The following MACROD2 variants were observed in gnomAD, a reference collection of about 807,000 sequenced individuals.
The protein encoded by MACROD2 is mono-ADP ribosylhydrolase 2.
In MACROD2, 36 loss-of-function variants were observed where a neutral mutation model predicts 70.4. The observed-to-expected ratio is 0.51, with a 90% CI of 0.39 to 0.68. The LOEUF is 0.68. MACROD2 is among the 30% of genes least tolerant of loss of function. MACROD2 has a pLI of 0.00. For missense variants in MACROD2, 496 were observed against 538.4 expected, an observed-to-expected ratio of 0.92 and a Z score of 0.78; for synonymous variants, 172 against 178.8, an observed-to-expected ratio of 0.96 and a Z score of 0.30.
At chr20:15,673,985 A>C (rs2050019589) in intron 8 of MACROD2, among the ~76,000 whole-genome samples, 1 of 152,140 alleles carries the variant, frequency 6.6e-6, no homozygotes, top group African/African-American at 2.4e-5. Context: ...ACCGTATTGA[A>C]ATGTAAAGGA....
At chr20:15,387,436 T>C (rs2045731159) in intron 6 of MACROD2, among the ~76,000 whole-genome samples, 1 of 151,826 alleles carries the variant, frequency 6.6e-6, no homozygotes, top group South Asian at 2.1e-4. Flanking sequence ...TTTCTCCTTT[T>C]ATTCCTCTCT....
At chr20:14,725,935 G>C (rs1213407129) in intron 5 of MACROD2, among the ~76,000 whole-genome samples, 1 of 152,158 alleles carries the variant, frequency 6.6e-6, no homozygotes, top group Non-Finnish European at 1.5e-5. Flanking sequence ...GTGTGTGCTA[G>C]AACAGGTGCT....
At chr20:15,384,637 G>A (rs952882881) in intron 6 of MACROD2, among the ~76,000 whole-genome samples, 7 of 152,128 alleles carry the variant, frequency 4.6e-5, no homozygotes, top group South Asian at 2.1e-4. Context: ...ACTATATGCC[G>A]GGTGTTATAT....
intron 7 of MACROD2, among the ~76,000 whole-genome samples, chr20:15,496,714 GA>G (rs2047302692): frequency 6.6e-6 from 1 of 152,196 alleles, no homozygotes; most frequent in Admixed American, 6.5e-5. Flanking sequence ...AGAAGACTGA[GA>G]AATAAATCTA....
chr20:15,751,602 G>T (rs544446843), intron 8 of MACROD2, among the ~76,000 whole-genome samples: 1 of 151,832 alleles, frequency 6.6e-6, no homozygotes, highest in South Asian at 2.1e-4. Context: ...CCCTAATATT[G>T]TCTCTAGGAT....
At chr20:14,421,720 T>C (rs2083877817) in intron 3 of MACROD2, among the ~76,000 whole-genome samples, 2 of 152,276 alleles carry the variant, frequency 1.3e-5, no homozygotes, top group Middle Eastern at 3.4e-3. Flanking sequence ...CTATTTTCCT[T>C]CTGTTAGTGA....
At chr20:15,852,563 C>T (rs1481626716) in intron 8 of MACROD2, among the ~76,000 whole-genome samples, 1 of 152,192 alleles carries the variant, frequency 6.6e-6, no homozygotes, top group Non-Finnish European at 1.5e-5. Context: ...CAAGTGCGAA[C>T]ATGGCTAATA....
chr20:14,049,174 T>TAA (rs71335946), intron 2 of MACROD2, among the ~76,000 whole-genome samples: 2,834 of 69,710 alleles, frequency 0.041, 68 homozygotes, highest in Non-Finnish European at 0.073. Context: ...ATATATTTAA[T>TAA]AAAAAAAAAA....
At chr20:14,684,648 A>ACCACCCCCCCC (rs2070977501) in intron 4 of MACROD2, among the ~76,000 whole-genome samples, 195 bp from the exon 5 acceptor site, 2 of 134,848 alleles carry the variant, frequency 1.5e-5, no homozygotes, top group African/African-American at 2.6e-5. Flanking sequence ...ACATAACCTC[A>ACCACCCCCCCC]CCCCCCCCCC....
chr20:16,034,324 C>T (rs1312651971), intron 15 of MACROD2, among the ~76,000 whole-genome samples: 4 of 152,062 alleles, frequency 2.6e-5, no homozygotes, highest in Admixed American at 6.6e-5. Context: ...TTGATATTGA[C>T]GCTGTGTTAT....
chr20:14,036,943 C>G (rs545446466), intron 2 of MACROD2, among the ~76,000 whole-genome samples: 3 of 152,106 alleles, frequency 2.0e-5, no homozygotes, highest in East Asian at 1.9e-4. Context: ...ACTAATCCAG[C>G]GTTTTGTGGT....
intron 8 of MACROD2, among the ~76,000 whole-genome samples, chr20:15,786,435 A>G: frequency 6.6e-6 from 1 of 152,230 alleles, no homozygotes; most frequent in East Asian, 1.9e-4. Flanking sequence ...AAAGAAAAAA[A>G]TATCACATTT....
intron 6 of MACROD2, among the ~76,000 whole-genome samples, chr20:15,262,869 CTTTTGGCCAGATTATTAG>C (rs1360053749): frequency 6.6e-6 from 1 of 151,422 alleles, no homozygotes; most frequent in Non-Finnish European, 1.5e-5. Context: ...GTCTCAAAAC[CTTTTGGCCAGATTATTAG>C]TTTTATTTTT....
At chr20:15,903,386 C>T (rs936831231) in intron 10 of MACROD2, among the ~76,000 whole-genome samples, 1 of 152,064 alleles carries the variant, frequency 6.6e-6, no homozygotes. Context: ...TCTGACTTAC[C>T]CTAATAAAAA....
chr20:15,533,543 C>T (rs1017841659), intron 8 of MACROD2, among the ~76,000 whole-genome samples: 4 of 119,048 alleles, frequency 3.4e-5, no homozygotes, highest in Non-Finnish European at 5.0e-5. Flanking sequence ...CTGTCTCTGT[C>T]GCTCTCTCTC....
intron 6 of MACROD2, among the ~76,000 whole-genome samples, chr20:15,311,642 A>T (rs567965198): frequency 4.0e-4 from 61 of 152,336 alleles, no homozygotes; most frequent in African/African-American, 1.4e-3. Context: ...AGCAACATGG[A>T]TGGAGCTGGA....
Position 15,403,396 on chromosome 20 carries a change from T to TAG in MACROD2, c.541-27993_541-27992dup, listed in dbSNP as rs147714991. Among the ~76,000 whole-genome samples the TAG allele has an allele frequency of 6.3e-3, 940 of 149,470 alleles. 8 individuals are homozygous for TAG. The highest frequency in any genetic ancestry group is 0.022 in the African/African-American group (889 of 40,932). ...TTTGTGTAGGTCTGTGTGTGTTTGTTAGAGAGAGAGAGAGAGAAAGAGAAG... is the reference window on the plus strand; with the variant it reads ...TTTGTGTAGGTCTGTGTGTGTTTGTTAGAGAGAGAGAGAGAGAGAAAGAGAAG... On this transcript the variant is annotated intron_variant, in intron 6 of 17. Transcript: ENST00000684519.
intron 3 of MACROD2, among the ~76,000 whole-genome samples, chr20:14,458,079 T>C (rs2084324491): frequency 6.6e-6 from 1 of 150,800 alleles, no homozygotes; most frequent in Non-Finnish European, 1.5e-5. Flanking sequence ...CCAGCCTACA[T>C]GACAGAACAA....
At chr20:15,283,320 TTTAAG>T (rs1298893532) in intron 6 of MACROD2, among the ~76,000 whole-genome samples, 5 of 152,198 alleles carry the variant, frequency 3.3e-5, no homozygotes, top group Non-Finnish European at 7.3e-5. Context: ...TAGTTCAAAC[TTTAAG>T]TTAACAGATA....
Sources: gnomAD v4.1 joint callset for allele counts (sites outside exome capture counted in the v4.1 genomes callset) on GRCh38, gnomAD v4.1.1 for gene constraint, MANE v1.5 for transcripts, NCBI Gene and HGNC (gene_info 2026-07-23, HGNC 2026-07-21) for gene names.